Variants in PDE12 observed in about 807,000 individuals in gnomAD.
PDE12 encodes 2',5'-phosphodiesterase 12.
A neutral mutation model predicts 45.4 loss-of-function variants in PDE12; 26 were observed. The ratio of observed to expected loss-of-function variants is 0.57; its 90% CI spans 0.42 to 0.79. PDE12 has a LOEUF of 0.79. PDE12 is among the 30% of genes least tolerant of loss of function. The pLI is 0.00. For synonymous variants in PDE12, 283 were observed against 323.9 expected, an observed-to-expected ratio of 0.87 and a Z score of 1.36; for missense variants, 668 against 790.0, an observed-to-expected ratio of 0.85 and a Z score of 1.85.
At chr3:57,601,743 CTTTT>C in the PDE12 span, among the ~76,000 whole-genome samples, 15 of 103,724 alleles carry the variant, frequency 1.4e-4, no homozygotes, top group Admixed American at 1.1e-4. Flanking sequence ...TTCTTTCCTT[CTTTT>C]TTTTTTTTTT....
chr3:57,648,883 C>T, the PDE12 span, among the ~76,000 whole-genome samples: 6 of 152,126 alleles, frequency 3.9e-5, no homozygotes, highest in Admixed American at 2.0e-4. Context: ...TAATCAAAAA[C>T]TTAAATCTAA....
At chr3:57,634,853 T>C in the PDE12 span, 3 of 1,109,938 alleles carry the variant, frequency 2.7e-6, no homozygotes, top group Non-Finnish European at 3.7e-6. Flanking sequence ...TTATAATCTG[T>C]TTATTACTTA....
intron 1 of PDE12, among the ~76,000 whole-genome samples, chr3:57,558,505 A>ATTT (rs1371128700): frequency 6.6e-6 from 1 of 151,446 alleles, no homozygotes; most frequent in East Asian, 1.9e-4. Context: ...TATTATTATT[A>ATTT]TTATTTTGAG....
downstream of PDE12, among the ~76,000 whole-genome samples, chr3:57,567,164 T>C (rs941667628): frequency 1.6e-4 from 25 of 151,860 alleles, no homozygotes; most frequent in Admixed American, 1.1e-3. Context: ...ACAAAAAAAT[T>C]AGCTGGCCGT....
At chr3:57,620,752 G>A in the PDE12 span, among the ~76,000 whole-genome samples, 3 of 151,976 alleles carry the variant, frequency 2.0e-5, no homozygotes, top group Non-Finnish European at 4.4e-5. Context: ...AATATGATAC[G>A]CTTAGAGATA....
Position 57,557,642 on chromosome 3 carries a change from C to T in PDE12, c.1263C>T (p.Tyr421=). 2 of 1,614,096 alleles carry T rather than the reference C, an allele frequency of 1.2e-6. No homozygotes were observed. The highest frequency in any genetic ancestry group is 1.7e-6 in the Non-Finnish European group (2 of 1,180,024). ...HKELLEKLVL[Y]PSAQEKVLQR... is the part of the protein sequence containing the mutation. ...AACTGCTGGAGAAACTAGTTTTGTACCCATCAGCGCAGGAGAAGGTGCTCC... is the reference window on the plus strand; with the variant it reads ...AACTGCTGGAGAAACTAGTTTTGTATCCATCAGCGCAGGAGAAGGTGCTCC... Residue 421 remains tyrosine (Y), a synonymous_variant, in exon 1 of 3, where the codon TAC becomes TAT. Transcript: ENST00000311180.
At chr3:57,629,089 T>C in the PDE12 span, among the ~76,000 whole-genome samples, 6 of 152,238 alleles carry the variant, frequency 3.9e-5, no homozygotes, top group Admixed American at 2.0e-4. Context: ...GCCAGAATAA[T>C]TGTCTCATAT....
the PDE12 span, among the ~76,000 whole-genome samples, chr3:57,637,810 A>C: frequency 7.9e-5 from 5 of 63,208 alleles, no homozygotes; most frequent in East Asian, 0.042. Flanking sequence ...GAAAACAAAA[A>C]AAATAAATAA....
chr3:57,619,008 A>G, the PDE12 span, among the ~76,000 whole-genome samples: 2 of 152,206 alleles, frequency 1.3e-5, no homozygotes, highest in African/African-American at 4.8e-5. Flanking sequence ...CATTTAACAA[A>G]TTAAATACAT....
chr3:57,592,424 G>GTTGCAGTGACCTGAGA, the PDE12 span, among the ~76,000 whole-genome samples: 1 of 152,084 alleles, frequency 6.6e-6, no homozygotes, highest in Non-Finnish European at 1.5e-5. Flanking sequence ...GGAGGCGGAG[G>GTTGCAGTGACCTGAGA]TTGCAGTGAC....
chr3:57,573,905 CTGAGA>C, the PDE12 span, among the ~76,000 whole-genome samples: 1 of 150,756 alleles, frequency 6.6e-6, no homozygotes, highest in African/African-American at 2.4e-5. Context: ...TCAAATCAGC[CTGAGA>C]TATCTCAAAC....
chr3:57,624,822 G>C, the PDE12 span, among the ~76,000 whole-genome samples: 1 of 152,030 alleles, frequency 6.6e-6, no homozygotes, highest in African/African-American at 2.4e-5. Context: ...AGAGGAAGAA[G>C]TAAAAATAAT....
the PDE12 span, among the ~76,000 whole-genome samples, chr3:57,644,939 A>G: frequency 6.6e-6 from 1 of 152,014 alleles, no homozygotes; most frequent in African/African-American, 2.4e-5. Flanking sequence ...GTCAATCCGC[A>G]GTTGACTAGA....
In PDE12 at chr3:57,556,730, G is replaced by A. The variant is rs771771118; in HGVS notation, c.351G>A (p.Val117=). The change falls in exon 1 of 3, where the codon GTG becomes GTA. Residue 117 remains valine (V), a synonymous_variant. Coordinates refer to ENST00000311180, the MANE Select transcript of PDE12 (RefSeq NM_177966.7). The surrounding 1 kb of genome is among the most constrained non-coding windows in gnomAD (Gnocchi z 5.0). The part of the protein sequence containing the change: ...ACSGPGPEPA[V]FCEPVVKLYY... ...CAGGGCCGGGGCCTGAGCCGGCTGT[G>A]TTCTGCGAGCCCGTGGTGAAGCTGT... The A allele has an allele frequency of 1.6e-5, 25 of 1,596,486 alleles. No individual in the cohort carries two copies. Among genetic ancestry groups the A allele is most frequent in the Admixed American group, 1.3e-4 (8 of 59,518 alleles).
the PDE12 span, chr3:57,584,066 ATTGT>A: frequency 8.5e-7 from 1 of 1,182,996 alleles, no homozygotes; most frequent in African/African-American, 1.5e-5. Context: ...AAAACCTTTT[ATTGT>A]GGAATTTTCT....
chr3:57,610,378 T>C, the PDE12 span, among the ~76,000 whole-genome samples: 105,259 of 151,964 alleles, frequency 0.69, 38,882 homozygotes, highest in East Asian at 0.99. Flanking sequence ...TTGGAAGTTC[T>C]GGCCAGGGCA....
At chr3:57,613,744 C>A in the PDE12 span, among the ~76,000 whole-genome samples, 1 of 150,810 alleles carries the variant, frequency 6.6e-6, no homozygotes, top group Non-Finnish European at 1.5e-5. Flanking sequence ...ACTAAAAATA[C>A]AAAAAAATTA....
At chr3:57,577,691 T>A in the PDE12 span, among the ~76,000 whole-genome samples, 1 of 152,098 alleles carries the variant, frequency 6.6e-6, no homozygotes, top group African/African-American at 2.4e-5. Flanking sequence ...TAAGTGCAGG[T>A]ACCAAAATAG....
chr3:57,588,936 C>G, the PDE12 span, among the ~76,000 whole-genome samples: 5 of 152,134 alleles, frequency 3.3e-5, no homozygotes, highest in Non-Finnish European at 7.3e-5. Flanking sequence ...AAGCCCGTCT[C>G]TACTAAAAAT....
Sources: allele counts gnomAD v4.1 joint callset (sites outside exome capture counted in the v4.1 genomes callset), GRCh38; gene constraint gnomAD v4.1.1; non-coding constraint Gnocchi (gnomAD v3.1); transcripts MANE v1.5; gene names NCBI Gene and HGNC (gene_info 2026-07-23, HGNC 2026-07-21).